Variants in CEACAM6 observed in about 807,000 individuals in gnomAD.
CEACAM6 encodes cell adhesion molecule CEACAM6.
A neutral mutation model predicts 32.4 loss-of-function variants in CEACAM6; 21 were observed. That is an observed-to-expected ratio of 0.65 (90% CI 0.46 to 0.93). CEACAM6 has a LOEUF of 0.93. Ranked by LOEUF, CEACAM6 falls within the 40% of genes least tolerant of loss-of-function variation. The probability of loss-of-function intolerance (pLI) is 0.00; values close to 1 mark genes in which losing one functional copy is unlikely to be tolerated. For missense variants in CEACAM6, 406 were observed against 432.2 expected, an observed-to-expected ratio of 0.94 and a Z score of 0.54; for synonymous variants, 184 against 174.4, an observed-to-expected ratio of 1.06 and a Z score of -0.43.
chr19:41,759,515 C>T (rs2072910102), intron 2 of CEACAM6, among the ~76,000 whole-genome samples: 1 of 152,214 alleles, frequency 6.6e-6, no homozygotes, highest in Non-Finnish European at 1.5e-5. Flanking sequence ...ACACCTAAGA[C>T]TTCCTCTCCT....
In CEACAM6 at chr19:41,756,819, A is replaced by G; in HGVS notation, c.284A>G (p.Tyr95Cys). 1.2e-6 allele frequency: 2 copies of G among 1,614,132 alleles called. No individual in the cohort carries two copies. The highest frequency in any genetic ancestry group is 1.3e-5 in the African/African-American group (1 of 75,012). Residue 95 changes from tyrosine to cysteine, a missense_variant, in exon 2 of 6, where the codon TAC (tyrosine) becomes TGC (cysteine). Tyr to Cys is a radical substitution (Grantham distance 194, BLOSUM62 -2). Coordinates refer to ENST00000199764, the MANE Select transcript of CEACAM6 (RefSeq NM_002483.7). The stretch of plus-strand genomic sequence containing the variant: ...CAACAAGCTACCCCAGGGCCCGCAT[A>G]CAGTGGTCGAGAGACAATATACCCC... ...GTQQATPGPA[Y>C]SGRETIYPNA...
chr19:41,763,818 G>C (rs2072941964), intron 4 of CEACAM6, among the ~76,000 whole-genome samples: 1 of 152,226 alleles, frequency 6.6e-6, no homozygotes, highest in Non-Finnish European at 1.5e-5. Context: ...TCGGTCACCA[G>C]CAACAACTCC....
intron 2 of CEACAM6, among the ~76,000 whole-genome samples, chr19:41,760,818 A>T (rs2072918130): frequency 6.6e-6 from 1 of 152,144 alleles, no homozygotes; most frequent in South Asian, 2.1e-4. Flanking sequence ...CCATCTCTAG[A>T]ATGTCCTTAG....
At chr19:41,756,154 G>A (rs1425674865) in intron 1 of CEACAM6, among the ~76,000 whole-genome samples, 5 of 152,156 alleles carry the variant, frequency 3.3e-5, no homozygotes, top group African/African-American at 1.2e-4. Context: ...TCATCACAGA[G>A]CTTATGCTGT....
chr19:41,767,280 C>CATGGAG (rs1555822477), intron 5 of CEACAM6, among the ~76,000 whole-genome samples: 3 of 152,266 alleles, frequency 2.0e-5, no homozygotes, highest in African/African-American at 7.2e-5. Context: ...TCACAAGCAA[C>CATGGAG]CTCTTATTTC....
At chr19:41,760,687 C>T (rs559412511) in intron 2 of CEACAM6, among the ~76,000 whole-genome samples, 2 of 152,168 alleles carry the variant, frequency 1.3e-5, no homozygotes, top group Non-Finnish European at 2.9e-5. Flanking sequence ...GCCTGATGAC[C>T]GAACTGACCT....
Position 41,766,390 on chromosome 19 carries a change from T to A in CEACAM6, c.*40+91T>A. 5.2e-6 allele frequency: 3 copies of A among 571,492 alleles called. No individual in the cohort carries two copies. The East Asian group carries it at 1.0e-4, about 19-fold the overall frequency. The allele number at this position is 571,492 out of a possible 1,614,324, so 35.4% of individuals were successfully genotyped here. A position where few individuals can be genotyped will look rare whatever the true frequency, so the allele number is the denominator to read the frequency against. ...AAACTTCTTCACCTGTATCTGGGAC[T>A]GGATCTCCTTCTACCGCTAAACTCC... On this transcript the variant is annotated intron_variant, in intron 5 of 5. Coordinates refer to ENST00000199764, the MANE Select transcript of CEACAM6 (RefSeq NM_002483.7).
chr19:41,757,321 G>A (rs2072894861), intron 2 of CEACAM6, among the ~76,000 whole-genome samples: 1 of 152,046 alleles, frequency 6.6e-6, no homozygotes, highest in Admixed American at 6.5e-5. Flanking sequence ...CCCTCAGAGA[G>A]AAGCTCAACT....
chr19:41,761,192 C>G (rs2072920743), intron 2 of CEACAM6, 57 bp from the exon 3 acceptor site: 6 of 1,611,644 alleles, frequency 3.7e-6, no homozygotes, highest in Non-Finnish European at 5.1e-6. Context: ...TTGAAAGATG[C>G]CTGTGGAGGA....
chr19:41,756,535 G>A, intron 1 of CEACAM6, 65 bp from the exon 2 acceptor site: 2 of 1,560,558 alleles, frequency 1.3e-6, no homozygotes, highest in South Asian at 2.5e-5. Context: ...CAGGACCCAG[G>A]GCCCTGTTTT....
intron 1 of CEACAM6, among the ~76,000 whole-genome samples, chr19:41,756,073 A>T (rs1206507826): frequency 2.0e-5 from 3 of 152,238 alleles, no homozygotes; most frequent in African/African-American, 7.2e-5. Flanking sequence ...AGATACACTC[A>T]TTAACTCATC....
At chr19:41,759,621 A>C (rs553315486) in intron 2 of CEACAM6, among the ~76,000 whole-genome samples, 2 of 152,182 alleles carry the variant, frequency 1.3e-5, no homozygotes, top group African/African-American at 4.8e-5. Flanking sequence ...TGACGACAAT[A>C]TGATCCTGCT....
intron 2 of CEACAM6, among the ~76,000 whole-genome samples, chr19:41,758,841 G>A (rs994644849): frequency 1.3e-5 from 2 of 152,156 alleles, no homozygotes; most frequent in Non-Finnish European, 1.5e-5. Flanking sequence ...AACAGAGAAG[G>A]CACAGAAATC....
chr19:41,757,233 G>A (rs797033721), intron 2 of CEACAM6, among the ~76,000 whole-genome samples: 20 of 152,174 alleles, frequency 1.3e-4, no homozygotes, highest in African/African-American at 4.8e-4. Flanking sequence ...GCACCCCATG[G>A]TCTCCCCATG....
intron 4 of CEACAM6, 53 bp from the exon 5 acceptor site, chr19:41,766,130 G>A (rs1245339507): frequency 4.7e-6 from 6 of 1,276,998 alleles, no homozygotes; most frequent in African/African-American, 3.0e-5. Context: ...AGTTCTTGGG[G>A]ACCCCACTGT....
intron 1 of CEACAM6, 51 bp downstream of exon 1, chr19:41,755,753 G>T: frequency 2.0e-6 from 3 of 1,503,802 alleles, no homozygotes; most frequent in Non-Finnish European, 2.7e-6. Context: ...CACAGAGACT[G>T]GCTAGGGTCT....
chr19:41,760,910 G>C (rs1555821727), intron 2 of CEACAM6, among the ~76,000 whole-genome samples: 1 of 152,228 alleles, frequency 6.6e-6, no homozygotes, highest in East Asian at 1.9e-4. Context: ...GAATGTTTCA[G>C]GTGAGGACTC....
intron 5 of CEACAM6, among the ~76,000 whole-genome samples, chr19:41,770,345 C>CCTGG (rs1199189742): frequency 1.3e-5 from 2 of 150,822 alleles, no homozygotes; most frequent in Non-Finnish European, 2.9e-5. Flanking sequence ...ATCACTTAAA[C>CCTGG]CTGGGAGGTA....
intron 2 of CEACAM6, among the ~76,000 whole-genome samples, chr19:41,758,477 T>C (rs2072902721): frequency 6.6e-6 from 1 of 152,152 alleles, no homozygotes; most frequent in Non-Finnish European, 1.5e-5. Context: ...CTGACACCCA[T>C]GTTCCATCCC....
Sources: allele counts gnomAD v4.1 joint callset (sites outside exome capture counted in the v4.1 genomes callset), GRCh38; gene constraint gnomAD v4.1.1; transcripts MANE v1.5; gene names NCBI Gene and HGNC (gene_info 2026-07-23, HGNC 2026-07-21).